Variants in NEXMIF observed in about 807,000 individuals in gnomAD.
NEXMIF encodes the protein XLMR protein related to neurite extension.
NEXMIF carries 8 observed loss-of-function variants against 62.1 expected under a neutral mutation model. That is an observed-to-expected ratio of 0.13 (90% CI 0.08 to 0.23). The LOEUF (loss-of-function observed/expected upper bound fraction) is 0.23, where lower values mean the gene tolerates loss of function less well. Ranked by LOEUF, NEXMIF falls within the 10% of genes least tolerant of loss-of-function variation. The pLI is 1.00. For synonymous variants in NEXMIF, 404 were observed against 416.6 expected, an observed-to-expected ratio of 0.97 and a Z score of 0.37; for missense variants, 976 against 1,113.3, an observed-to-expected ratio of 0.88 and a Z score of 1.75.
rs769986995 is a variant in NEXMIF, at chrX:74,776,715, G to A, written c.-47-31018C>T. 8.2e-3 allele frequency among the ~76,000 whole-genome samples: 469 copies of A among 57,216 alleles called. 3 individuals are homozygous for A. Among genetic ancestry groups the A allele is most frequent in the Non-Finnish European group, 0.013 (392 of 30,569 alleles). 49.7% of individuals were successfully genotyped at this position (57,216 alleles called of 115,157 possible). A position where few individuals can be genotyped will look rare whatever the true frequency, so the allele number is the denominator to read the frequency against. ...GCACTCCAGCCTGGGCAACAAGAGC[G>A]AAACTCAGTCTCAAAAAAAAAAAAA... On this transcript the variant is annotated intron_variant, in intron 1 of 3. Transcript: ENST00000055682.
At chrX:74,794,130 A>T (rs1188867105) in intron 1 of NEXMIF, among the ~76,000 whole-genome samples, 2 of 107,355 alleles carry the variant, frequency 1.9e-5, no homozygotes, top group Non-Finnish European at 3.9e-5. Flanking sequence ...GTCTTTGATG[A>T]TGGTGATGTA....
At chrX:74,824,350 C>T (rs1482605827) in intron 1 of NEXMIF, among the ~76,000 whole-genome samples, 2 of 111,824 alleles carry the variant, frequency 1.8e-5, no homozygotes, top group South Asian at 3.7e-4. Context: ...TTAGATTCCA[C>T]AAGTGAAAAC....
At chrX:74,827,262 T>C (rs915301412) in intron 1 of NEXMIF, among the ~76,000 whole-genome samples, 1 of 111,990 alleles carries the variant, frequency 8.9e-6, no homozygotes, top group African/African-American at 3.2e-5. Context: ...AGTTGCTTGA[T>C]AAATCAACAA....
At chrX:74,844,480 C>T (rs2080484819) in intron 1 of NEXMIF, among the ~76,000 whole-genome samples, 1 of 111,580 alleles carries the variant, frequency 9.0e-6, no homozygotes, top group African/African-American at 3.3e-5. Flanking sequence ...GGTCCCCTTA[C>T]TCCTTGCACC....
chrX:74,872,106 T>G (rs1469688707), intron 1 of NEXMIF, among the ~76,000 whole-genome samples: 1 of 111,497 alleles, frequency 9.0e-6, no homozygotes, highest in Non-Finnish European at 1.9e-5. Flanking sequence ...AGTATTAACT[T>G]TGGAAACTGC....
intron 1 of NEXMIF, among the ~76,000 whole-genome samples, chrX:74,911,916 G>C (rs1414883035): frequency 8.9e-6 from 1 of 111,924 alleles, no homozygotes; most frequent in Admixed American, 9.5e-5. Flanking sequence ...CTTGCCAAGA[G>C]ATACAGTACA....
chrX:74,865,352 G>A (rs1421909131), intron 1 of NEXMIF, among the ~76,000 whole-genome samples: 1 of 111,753 alleles, frequency 8.9e-6, no homozygotes, highest in Non-Finnish European at 1.9e-5. Flanking sequence ...GTGGCATTTG[G>A]CTCCTGCCCT....
chrX:74,828,861 G>A (rs999514238), intron 1 of NEXMIF, among the ~76,000 whole-genome samples: 1 of 111,596 alleles, frequency 9.0e-6, no homozygotes, highest in African/African-American at 3.3e-5. Context: ...TTGTGCTACG[G>A]AATCAGCAGT....
chrX:74,925,403 CGGT>C lies in NEXMIF; in HGVS notation c.-571_-569del, dbSNP rs1175985749. On this transcript the variant is annotated 5_prime_UTR_variant, in exon 1 of 4. Coordinates refer to ENST00000055682, the MANE Select transcript of NEXMIF (RefSeq NM_001008537.3). ...GCCGCTAATGCTACTGCTGTGGCGG[CGGT>C]GGTGGCGGCGGCGGCTGCTGCTGCT... 5.1e-6 allele frequency: 1 copy of C among 194,966 alleles called. No homozygotes were observed. Among genetic ancestry groups the C allele is most frequent in the African/African-American group, 3.0e-5 (1 of 32,865 alleles). 16.1% of individuals were successfully genotyped at this position (194,966 alleles called of 1,213,427 possible). A position where few individuals can be genotyped will look rare whatever the true frequency, so the allele number is the denominator to read the frequency against.
intron 2 of NEXMIF, 30 bp from the exon 3 acceptor site, chrX:74,744,507 T>C (rs748656081): frequency 2.4e-5 from 26 of 1,084,712 alleles, no homozygotes; most frequent in Non-Finnish European, 3.1e-5. Flanking sequence ...ATGACAGGAA[T>C]AAAATTAAGA....
At chrX:74,856,414 C>A (rs756980192) in intron 1 of NEXMIF, among the ~76,000 whole-genome samples, 13 of 111,385 alleles carry the variant, frequency 1.2e-4, no homozygotes, top group African/African-American at 3.9e-4. Context: ...ACAAAGAGAG[C>A]CTAAGAGAAC....
At chrX:74,889,094 A>C (rs1352642645) in intron 1 of NEXMIF, among the ~76,000 whole-genome samples, 1 of 112,117 alleles carries the variant, frequency 8.9e-6, no homozygotes, top group African/African-American at 3.2e-5. Context: ...AAAGCACTAT[A>C]AAATTATAAA....
chrX:74,765,146 C>G (rs1158219651), intron 1 of NEXMIF, among the ~76,000 whole-genome samples: 1 of 111,709 alleles, frequency 9.0e-6, no homozygotes, highest in Non-Finnish European at 1.9e-5. Flanking sequence ...GTTAGGACTT[C>G]TCGTTCAATT....
At chrX:74,812,718 T>C (rs2080364322) in intron 1 of NEXMIF, among the ~76,000 whole-genome samples, 1 of 111,751 alleles carries the variant, frequency 8.9e-6, no homozygotes, top group African/African-American at 3.3e-5. Flanking sequence ...GGAAAGAAGA[T>C]GATATTAGAG....
chrX:74,861,071 C>T (rs1172593282), intron 1 of NEXMIF, among the ~76,000 whole-genome samples: 2 of 111,549 alleles, frequency 1.8e-5, no homozygotes, highest in East Asian at 5.6e-4. Flanking sequence ...ATGTCCTAAC[C>T]CAAAGCAAAG....
chrX:74,872,531 C>G (rs1371504102), intron 1 of NEXMIF, among the ~76,000 whole-genome samples: 2 of 109,115 alleles, frequency 1.8e-5, no homozygotes, highest in Admixed American at 9.9e-5. Context: ...GCACATCAGA[C>G]TGACTATAGT....
chrX:74,810,209 G>C (rs1472703490), intron 1 of NEXMIF, among the ~76,000 whole-genome samples: 1 of 111,785 alleles, frequency 8.9e-6, no homozygotes, highest in Non-Finnish European at 1.9e-5. Context: ...TATCTCAGGA[G>C]TAAGAAGCCT....
At chrX:74,919,230 G>A (rs1044999767) in intron 1 of NEXMIF, among the ~76,000 whole-genome samples, 1 of 111,760 alleles carries the variant, frequency 8.9e-6, no homozygotes, top group Non-Finnish European at 1.9e-5. Flanking sequence ...AATACAAACA[G>A]GCATTTAGGA....
chrX:74,865,833 T>C (rs1223311302), intron 1 of NEXMIF, among the ~76,000 whole-genome samples: 1 of 111,819 alleles, frequency 8.9e-6, no homozygotes, highest in Non-Finnish European at 1.9e-5. Flanking sequence ...TACACAGAAG[T>C]TCAAGGATTG....
Sources: allele counts gnomAD v4.1 joint callset (sites outside exome capture counted in the v4.1 genomes callset), GRCh38; gene constraint gnomAD v4.1.1; transcripts MANE v1.5; gene names NCBI Gene and HGNC (gene_info 2026-07-23, HGNC 2026-07-21).